Variants in EYS observed in about 807,000 individuals in gnomAD.
The protein encoded by EYS is EGF-like photoreceptor maintenance factor, also known as protein eyes shut homolog.
A neutral mutation model predicts 282.1 loss-of-function variants in EYS; 250 were observed. The ratio of observed to expected loss-of-function variants is 0.89; its 90% CI spans 0.80 to 0.98. The LOEUF (loss-of-function observed/expected upper bound fraction) is 0.98, where lower values mean the gene tolerates loss of function less well. EYS is among the 50% of genes least tolerant of loss of function. EYS has a pLI of 0.00. For synonymous variants in EYS, 1,355 were observed against 1,282.9 expected (o/e 1.06, Z -1.20); for missense variants, 4,016 against 3,709.0 (o/e 1.08, Z -2.15).
intron 28 of EYS, among the ~76,000 whole-genome samples, chr6:64,407,989 A>C (rs1257386460): frequency 6.6e-6 from 1 of 152,090 alleles, no homozygotes; most frequent in Middle Eastern, 3.2e-3. Context: ...CGCCTCTTCA[A>C]GTGCTGGGAT....
intron 36 of EYS, among the ~76,000 whole-genome samples, chr6:63,845,705 G>A (rs899777574): frequency 1.3e-5 from 2 of 152,076 alleles, no homozygotes; most frequent in East Asian, 3.9e-4. Context: ...GTTATAATTA[G>A]ACTTCACTTA....
chr6:64,442,608 G>A (rs1179822505), intron 26 of EYS, among the ~76,000 whole-genome samples: 4 of 152,130 alleles, frequency 2.6e-5, no homozygotes, highest in Non-Finnish European at 5.9e-5. Context: ...CCAGGCTAAG[G>A]GTATTTCCGC....
chr6:63,823,398 A>T (rs1212514982), intron 36 of EYS, among the ~76,000 whole-genome samples: 1 of 152,152 alleles, frequency 6.6e-6, no homozygotes, highest in Non-Finnish European at 1.5e-5. Flanking sequence ...ATGTTTAATT[A>T]CCTTTGAAGA....
chr6:65,476,766 G>C (rs1288491568), intron 5 of EYS, among the ~76,000 whole-genome samples: 3 of 151,972 alleles, frequency 2.0e-5, no homozygotes, highest in African/African-American at 7.2e-5. Flanking sequence ...TAGTAGAGAC[G>C]GGGTTTCACC....
chr6:64,625,863 G>GA (rs1022777459), intron 23 of EYS, among the ~76,000 whole-genome samples: 1 of 152,138 alleles, frequency 6.6e-6, no homozygotes, highest in African/African-American at 2.4e-5. Context: ...CATATGTTTA[G>GA]AAAATCCATC....
At chr6:63,849,196 T>C (rs561600911) in intron 36 of EYS, among the ~76,000 whole-genome samples, 1 of 152,246 alleles carries the variant, frequency 6.6e-6, no homozygotes, top group Admixed American at 6.5e-5. Flanking sequence ...GTCAGAGGCT[T>C]ACAGATAAAA....
intron 11 of EYS, among the ~76,000 whole-genome samples, chr6:65,324,172 A>G (rs1769554284): frequency 1.3e-5 from 2 of 151,560 alleles, no homozygotes; most frequent in South Asian, 2.1e-4. Flanking sequence ...TTCTTTATCA[A>G]TTACCCCGAT....
chr6:65,229,179 C>A (rs1315955559), intron 12 of EYS, among the ~76,000 whole-genome samples: 1 of 151,802 alleles, frequency 6.6e-6, no homozygotes, highest in African/African-American at 2.4e-5. Context: ...TTGGATAATG[C>A]TGAAATGTTT....
intron 30 of EYS, among the ~76,000 whole-genome samples, chr6:64,248,305 T>G (rs1443083210): frequency 1.3e-5 from 2 of 152,076 alleles, no homozygotes; most frequent in Non-Finnish European, 2.9e-5. Context: ...TCAATGTCTC[T>G]TAAGCAGGAA....
rs1922953 is a variant in EYS, at chr6:64,277,226, A to T, written c.6191+29744T>A. 3.5e-3 allele frequency among the ~76,000 whole-genome samples: 527 copies of T among 152,268 alleles called. 11 individuals carry two copies. Among genetic ancestry groups the T allele is most frequent in the Admixed American group, 0.031 (471 of 15,294 alleles). The stretch of plus-strand genomic sequence containing the variant: ...TAAAAATAATGTGATTTTTACAGAT[A>T]GCTTTGTGAAACACAGTTGCAATTT... On this transcript the variant is annotated intron_variant, in intron 30 of 42. Transcript: ENST00000503581.
At chr6:63,855,614 G>A (rs1252930224) in intron 36 of EYS, among the ~76,000 whole-genome samples, 1 of 152,186 alleles carries the variant, frequency 6.6e-6, no homozygotes, top group Non-Finnish European at 1.5e-5. Flanking sequence ...CAGACACCAT[G>A]TACTGCTCTG....
At chr6:64,173,061 A>T (rs544039988) in intron 31 of EYS, among the ~76,000 whole-genome samples, 1 of 152,262 alleles carries the variant, frequency 6.6e-6, no homozygotes, top group African/African-American at 2.4e-5. Flanking sequence ...AGGGACTGAG[A>T]GTAGAGGAAC....
chr6:65,048,203 CT>C (rs1773159361), intron 13 of EYS, among the ~76,000 whole-genome samples: 1 of 151,854 alleles, frequency 6.6e-6, no homozygotes, highest in Admixed American at 6.6e-5. Flanking sequence ...CTCCTTACCA[CT>C]TTTCTACCAA....
chr6:63,949,635 A>G (rs1220530606), intron 35 of EYS, among the ~76,000 whole-genome samples: 1 of 152,186 alleles, frequency 6.6e-6, no homozygotes, highest in East Asian at 1.9e-4. Context: ...TATGCCTCTC[A>G]TCCACTAGAC....
chr6:64,470,344 T>C (rs1026863980), intron 26 of EYS, among the ~76,000 whole-genome samples: 6 of 151,950 alleles, frequency 3.9e-5, no homozygotes, highest in Non-Finnish European at 8.8e-5. Context: ...AGAATACAGA[T>C]AAACAATAGA....
At chr6:65,656,809 T>G (rs1415179212) in intron 1 of EYS, among the ~76,000 whole-genome samples, 1 of 151,886 alleles carries the variant, frequency 6.6e-6, no homozygotes, top group Non-Finnish European at 1.5e-5. Flanking sequence ...GGATTTTCAA[T>G]GGAAACAAAA....
At chr6:64,477,548 G>T (rs1776311230) in intron 26 of EYS, among the ~76,000 whole-genome samples, 1 of 152,022 alleles carries the variant, frequency 6.6e-6, no homozygotes, top group African/African-American at 2.4e-5. Context: ...TTTCCACATG[G>T]CCCGTTGCTG....
intron 21 of EYS, among the ~76,000 whole-genome samples, chr6:64,816,363 A>C (rs908122911): frequency 1.3e-4 from 20 of 152,158 alleles, no homozygotes; most frequent in African/African-American, 4.8e-4. Flanking sequence ...AGGATTGGGC[A>C]ATCCAAAAGA....
intron 35 of EYS, among the ~76,000 whole-genome samples, chr6:63,873,143 C>A: frequency 8.7e-6 from 1 of 114,496 alleles, no homozygotes; most frequent in Non-Finnish European, 1.7e-5. Flanking sequence ...CTAATGCTAT[C>A]CCTCCCCCCT....
Sources: gnomAD v4.1 joint callset for allele counts (sites outside exome capture counted in the v4.1 genomes callset) on GRCh38, gnomAD v4.1.1 for gene constraint, MANE v1.5 for transcripts, NCBI Gene and HGNC (gene_info 2026-07-23, HGNC 2026-07-21) for gene names.